Variants in SNCAIP observed in about 807,000 individuals in gnomAD.
SNCAIP encodes synphilin-1.
Under a neutral mutation model 86.7 loss-of-function variants are expected in SNCAIP, and 43 were observed. The ratio of observed to expected loss-of-function variants is 0.50; its 90% CI spans 0.39 to 0.64. The LOEUF (loss-of-function observed/expected upper bound fraction) is 0.64. Ranked by LOEUF, SNCAIP falls within the 30% of genes least tolerant of loss-of-function variation. SNCAIP has a pLI of 0.00. For synonymous variants in SNCAIP, 417 were observed against 427.2 expected (o/e 0.98, Z 0.29); for missense variants, 981 against 1,103.1 (o/e 0.89, Z 1.57).
At chr5:122,377,300 C>G (rs1346986740) in intron 1 of SNCAIP, among the ~76,000 whole-genome samples, 1 of 152,092 alleles carries the variant, frequency 6.6e-6, no homozygotes, top group Non-Finnish European at 1.5e-5. Flanking sequence ...ACACTCAGAA[C>G]TGAATACAAT....
chr5:122,313,189 C>T (rs1750994084), intron 1 of SNCAIP, among the ~76,000 whole-genome samples: 1 of 152,202 alleles, frequency 6.6e-6, no homozygotes, highest in African/African-American at 2.4e-5. Flanking sequence ...ACGTTGCTTT[C>T]CTTGGGAAAG....
intron 1 of SNCAIP, among the ~76,000 whole-genome samples, chr5:122,348,260 A>G (rs1472968422): frequency 6.6e-6 from 1 of 152,142 alleles, no homozygotes; most frequent in Non-Finnish European, 1.5e-5. Flanking sequence ...TTTTTTATTA[A>G]GATATCTTAA....
At chr5:122,410,755 G>A (rs533279659) in intron 3 of SNCAIP, among the ~76,000 whole-genome samples, 155 of 152,258 alleles carry the variant, frequency 1.0e-3, no homozygotes, top group African/African-American at 3.5e-3. Context: ...CCTGGGAGGC[G>A]GAAGTTGCGG....
chr5:122,398,714 G>A (rs1179404571), intron 2 of SNCAIP, among the ~76,000 whole-genome samples: 3 of 152,146 alleles, frequency 2.0e-5, no homozygotes, highest in Non-Finnish European at 2.9e-5. Flanking sequence ...TGGGATGTTC[G>A]TTCTTTCATT....
intron 3 of SNCAIP, among the ~76,000 whole-genome samples, chr5:122,420,186 T>C (rs1776094176): frequency 6.6e-6 from 1 of 152,218 alleles, no homozygotes; most frequent in Non-Finnish European, 1.5e-5. Context: ...TGGCACTCCT[T>C]CTTCAGTTTC....
chr5:122,399,846 TGG>T (rs1771413617), intron 2 of SNCAIP, among the ~76,000 whole-genome samples: 1 of 152,162 alleles, frequency 6.6e-6, no homozygotes, highest in African/African-American at 2.4e-5. Flanking sequence ...ATCACCCATA[TGG>T]CTTGTGAAAA....
chr5:122,371,613 A>G (rs921630037), intron 1 of SNCAIP: 7 of 152,316 alleles, frequency 4.6e-5, no homozygotes, highest in African/African-American at 1.4e-4. Flanking sequence ...ATAAATCATC[A>G]GAGGGAGACT....
At chr5:122,459,591 T>C (rs1785625151) in intron 10 of SNCAIP, among the ~76,000 whole-genome samples, 1 of 152,194 alleles carries the variant, frequency 6.6e-6, no homozygotes, top group Admixed American at 6.5e-5. Flanking sequence ...TGCCTCAAGT[T>C]AATATTTTAC....
chr5:122,459,277 A>G (rs1785535408), intron 10 of SNCAIP, among the ~76,000 whole-genome samples: 1 of 152,202 alleles, frequency 6.6e-6, no homozygotes, highest in African/African-American at 2.4e-5. Flanking sequence ...ACCATTCTAC[A>G]TGGATGCTGT....
chr5:122,453,401 G>A (rs537706272), intron 10 of SNCAIP, among the ~76,000 whole-genome samples: 29 of 152,282 alleles, frequency 1.9e-4, no homozygotes, highest in African/African-American at 7.0e-4. Context: ...TTTCAGTGCT[G>A]ATTACAAACC....
intron 1 of SNCAIP, among the ~76,000 whole-genome samples, chr5:122,334,388 A>G (rs1755996617): frequency 6.6e-6 from 1 of 152,214 alleles, no homozygotes; most frequent in African/African-American, 2.4e-5. Flanking sequence ...TCGTACTTGG[A>G]GGCTTATACC....
Position 122,440,706 on chromosome 5 carries a change from C to T in SNCAIP, c.1374C>T (p.Asn458=). The change falls in exon 7 of 11, where the codon AAC becomes AAT. Residue 458 remains asparagine, a synonymous_variant. Coordinates refer to ENST00000261368, the MANE Select transcript of SNCAIP (RefSeq NM_005460.4). ...TGGATGAAGTAGACCAGGATGGCAACAGTGCCGTTCACGTAGCCTCACAGC... is the reference window on the plus strand; with the variant it reads ...TGGATGAAGTAGACCAGGATGGCAATAGTGCCGTTCACGTAGCCTCACAGC... ...ISLDEVDQDG[N]SAVHVASQHG... is the part of the protein sequence containing the mutation. The T allele has an allele frequency of 6.2e-7, 1 of 1,614,036 alleles. No individual in the cohort carries two copies. Among genetic ancestry groups the T allele is most frequent in the Non-Finnish European group, 8.5e-7 (1 of 1,179,886 alleles).
chr5:122,331,960 G>C (rs928794877), intron 1 of SNCAIP, among the ~76,000 whole-genome samples: 2 of 152,222 alleles, frequency 1.3e-5, no homozygotes, highest in Non-Finnish European at 2.9e-5. Flanking sequence ...TGTTGAATGA[G>C]TAAGTGTACA....
chr5:122,379,728 T>A (rs1450477332), intron 1 of SNCAIP, among the ~76,000 whole-genome samples: 1 of 150,862 alleles, frequency 6.6e-6, no homozygotes, highest in Non-Finnish European at 1.5e-5. Flanking sequence ...ATACCTAATT[T>A]ATTGAGAGTT....
chr5:122,320,712 G>A (rs3885686), intron 1 of SNCAIP, among the ~76,000 whole-genome samples: 2 of 151,974 alleles, frequency 1.3e-5, no homozygotes, highest in Non-Finnish European at 1.5e-5. Context: ...CTCAGTCCCC[G>A]CTTTGCAGAT....
At chr5:122,450,079 C>A in intron 9 of SNCAIP, 142 bp downstream of exon 9, 1 of 679,490 alleles carries the variant, frequency 1.5e-6, no homozygotes, top group Admixed American at 2.5e-5. Flanking sequence ...TGAGAAATCA[C>A]AGTGAAAAAG....
chr5:122,448,679 TTA>T lies in SNCAIP; in HGVS notation c.1593-1156_1593-1155del, dbSNP rs560551701. Reference sequence around the variant, plus strand: ...ATATATATTATATATATTATATATGTTATATATATATTATATATATTATATAC... The same window carrying T: ...ATATATATTATATATATTATATATGTTATATATATTATATATATTATATAC... On this transcript the variant is annotated intron_variant, in intron 8 of 10. Transcript: ENST00000261368. Among the ~76,000 whole-genome samples, 997 of 136,538 alleles carry T rather than the reference TTA, an allele frequency of 7.3e-3. 14 individuals carry two copies. The highest frequency in any genetic ancestry group is 0.025 in the African/African-American group (917 of 36,376). The allele number at this position is 136,538 out of a possible 152,430, so 89.6% of individuals were successfully genotyped here.
intron 4 of SNCAIP, among the ~76,000 whole-genome samples, chr5:122,424,422 C>T (rs1422122119): frequency 6.6e-6 from 1 of 152,202 alleles, no homozygotes. Flanking sequence ...GGCTTCCAGA[C>T]TTGGATCAAA....
chr5:122,373,216 A>G (rs1764611243), intron 1 of SNCAIP, among the ~76,000 whole-genome samples: 1 of 152,116 alleles, frequency 6.6e-6, no homozygotes, highest in African/African-American at 2.4e-5. Context: ...CATTTCTGAG[A>G]ACTTTTAATT....
Sources: allele counts gnomAD v4.1 joint callset (sites outside exome capture counted in the v4.1 genomes callset), GRCh38; gene constraint gnomAD v4.1.1; transcripts MANE v1.5; gene names NCBI Gene and HGNC (gene_info 2026-07-23, HGNC 2026-07-21).